The following FTCDNL1 variants were observed in gnomAD, a reference collection of about 807,000 sequenced individuals.
FTCDNL1 encodes the protein formiminotransferase cyclodeaminase N-terminal like, also known as formiminotransferase N-terminal subdomain-containing protein.
In FTCDNL1, 11 loss-of-function variants were observed where a neutral mutation model predicts 5.9. The observed-to-expected ratio is 1.87, with a 90% confidence interval of 1.18 to 3.10. The LOEUF (loss-of-function observed/expected upper bound fraction) is 3.10. Ranked by LOEUF, FTCDNL1 falls within the 30% of genes most tolerant of loss-of-function variation. The pLI is 0.00. For missense variants in FTCDNL1, 115 were observed against 65.5 expected, an observed-to-expected ratio of 1.76 and a Z score of -2.61; for synonymous variants, 58 against 24.8, an observed-to-expected ratio of 2.34 and a Z score of -3.99.
the FTCDNL1 span, among the ~76,000 whole-genome samples, chr2:199,750,472 G>A: frequency 1.3e-5 from 2 of 152,130 alleles, no homozygotes; most frequent in African/African-American, 2.4e-5. Flanking sequence ...CAAGTCAGGG[G>A]GGAAAAGGTT....
At chr2:199,798,583 G>A (rs146147672) in intron 3 of FTCDNL1, among the ~76,000 whole-genome samples, 1 of 152,288 alleles carries the variant, frequency 6.6e-6, no homozygotes, top group Non-Finnish European at 1.5e-5. Flanking sequence ...TGAAAGAGTA[G>A]CATGACCCTT....
intron 3 of FTCDNL1, among the ~76,000 whole-genome samples, chr2:199,832,421 C>T (rs1177534295): frequency 3.3e-5 from 5 of 152,160 alleles, no homozygotes; most frequent in Non-Finnish European, 5.9e-5. Flanking sequence ...ACATAACAGG[C>T]ACTCCAAGAC....
the FTCDNL1 span, among the ~76,000 whole-genome samples, chr2:199,754,653 C>T: frequency 6.6e-6 from 1 of 152,144 alleles, no homozygotes; most frequent in Non-Finnish European, 1.5e-5. Context: ...TACCCACTCC[C>T]ATCCTAGAGG....
At chr2:199,783,284 T>C (rs1574494387) in intron 3 of FTCDNL1, among the ~76,000 whole-genome samples, 1 of 152,382 alleles carries the variant, frequency 6.6e-6, no homozygotes, top group East Asian at 1.9e-4. Flanking sequence ...TTTCTGGCCC[T>C]ATGTAGAATA....
intron 3 of FTCDNL1, among the ~76,000 whole-genome samples, chr2:199,834,755 C>T (rs929094827): frequency 6.6e-6 from 1 of 152,194 alleles, no homozygotes; most frequent in Non-Finnish European, 1.5e-5. Flanking sequence ...TAAACCTACC[C>T]CAATACTCTT....
At chr2:199,847,860 A>G (rs1377396197) in intron 2 of FTCDNL1, among the ~76,000 whole-genome samples, 4 of 152,210 alleles carry the variant, frequency 2.6e-5, no homozygotes, top group Non-Finnish European at 5.9e-5. Flanking sequence ...ACCAACTCCA[A>G]AGAAGTTTTC....
chr2:199,771,661 C>T (rs1372710991), intron 3 of FTCDNL1, among the ~76,000 whole-genome samples: 1 of 152,140 alleles, frequency 6.6e-6, no homozygotes, highest in Non-Finnish European at 1.5e-5. Flanking sequence ...TCATTTAGCT[C>T]ATTAAGTAAA....
At chr2:199,794,248 T>C (rs1700070681) in intron 3 of FTCDNL1, among the ~76,000 whole-genome samples, 2 of 152,324 alleles carry the variant, frequency 1.3e-5, no homozygotes, top group South Asian at 4.1e-4. Context: ...GGGTGGTTTT[T>C]ATTCAAAATA....
chr2:199,800,673 C>G (rs966794223), intron 3 of FTCDNL1, among the ~76,000 whole-genome samples: 3 of 152,038 alleles, frequency 2.0e-5, no homozygotes, highest in African/African-American at 7.2e-5. Flanking sequence ...TTTATATGAA[C>G]AGAATATAAA....
intron 3 of FTCDNL1, among the ~76,000 whole-genome samples, chr2:199,830,113 G>C (rs567135587): frequency 5.3e-5 from 8 of 151,446 alleles, no homozygotes; most frequent in African/African-American, 1.9e-4. Context: ...GCATCCTCTA[G>C]TTTTAGTATA....
intron 3 of FTCDNL1, among the ~76,000 whole-genome samples, chr2:199,838,247 C>A (rs1319839274): frequency 1.3e-5 from 2 of 152,100 alleles, no homozygotes; most frequent in Non-Finnish European, 2.9e-5. Flanking sequence ...ATCTTCAATA[C>A]TGAGTAGAAG....
chr2:199,813,434 GT>G (rs1382299237), intron 4 of FTCDNL1, among the ~76,000 whole-genome samples: 1 of 152,120 alleles, frequency 6.6e-6, no homozygotes, highest in Non-Finnish European at 1.5e-5. Flanking sequence ...GTCTTCAGAA[GT>G]TCCATTCATT....
intron 4 of FTCDNL1, among the ~76,000 whole-genome samples, chr2:199,814,004 C>CAGGAAGAAA (rs1317757369): frequency 4.8e-5 from 7 of 146,280 alleles, no homozygotes; most frequent in African/African-American, 1.8e-4. Context: ...AGTATAAAAA[C>CAGGAAGAAA]AGGAAGAAAG....
intron 3 of FTCDNL1, among the ~76,000 whole-genome samples, chr2:199,794,714 C>CA (rs1574529418): frequency 6.6e-6 from 1 of 152,112 alleles, no homozygotes; most frequent in Non-Finnish European, 1.5e-5. Flanking sequence ...CTCATGTCTA[C>CA]AAAAAATACA....
At chr2:199,787,942 G>C (rs1181843552) in intron 3 of FTCDNL1, among the ~76,000 whole-genome samples, 2 of 152,154 alleles carry the variant, frequency 1.3e-5, no homozygotes, top group African/African-American at 4.8e-5. Context: ...GGTGTCATTA[G>C]CACTAAATGC....
chr2:199,815,165 A>G (rs538188550), intron 4 of FTCDNL1, among the ~76,000 whole-genome samples: 2 of 152,356 alleles, frequency 1.3e-5, no homozygotes, highest in East Asian at 1.9e-4. Flanking sequence ...AAAAGTATCA[A>G]CTATTACTGC....
chr2:199,750,668 CAG>C, the FTCDNL1 span, among the ~76,000 whole-genome samples: 1 of 152,200 alleles, frequency 6.6e-6, no homozygotes, highest in Admixed American at 6.5e-5. Flanking sequence ...CAAAGTGAAT[CAG>C]AGAGCCAGGT....
the FTCDNL1 span, among the ~76,000 whole-genome samples, chr2:199,701,111 C>T: frequency 6.6e-6 from 1 of 152,006 alleles, no homozygotes; most frequent in Non-Finnish European, 1.5e-5. Context: ...TCAGAAAAAT[C>T]AGATTCATCA....
the FTCDNL1 span, among the ~76,000 whole-genome samples, chr2:199,709,742 C>T: frequency 6.6e-6 from 1 of 151,978 alleles, no homozygotes; most frequent in Non-Finnish European, 1.5e-5. Flanking sequence ...AAAGCAGAGA[C>T]AAGTTCAAGT....
Sources: allele counts gnomAD v4.1 joint callset (sites outside exome capture counted in the v4.1 genomes callset), GRCh38; gene constraint gnomAD v4.1.1; transcripts MANE v1.5; gene names NCBI Gene and HGNC (gene_info 2026-07-23, HGNC 2026-07-21).